The following FAR2 variants were observed in gnomAD, a reference collection of about 807,000 sequenced individuals.
FAR2 encodes fatty acyl-CoA reductase 2.
FAR2 carries 19 observed loss-of-function variants against 56.0 expected under a neutral mutation model. That is an observed-to-expected ratio of 0.34 (90% confidence interval 0.24 to 0.50). The LOEUF (loss-of-function observed/expected upper bound fraction) is 0.50. Ranked by LOEUF, FAR2 falls within the 20% of genes least tolerant of loss-of-function variation. FAR2 has a pLI of 0.98. For synonymous variants in FAR2, 219 were observed against 218.8 expected, an observed-to-expected ratio of 1.00 and a Z score of -0.01; for missense variants, 508 against 642.2, an observed-to-expected ratio of 0.79 and a Z score of 2.26.
intron 1 of FAR2, among the ~76,000 whole-genome samples, chr12:29,197,335 TTACAC>T (rs1193720512): frequency 6.6e-6 from 1 of 152,190 alleles, no homozygotes; most frequent in Non-Finnish European, 1.5e-5. Context: ...ATGTACAGTC[TTACAC>T]TTACAGGAAT....
intron 1 of FAR2, among the ~76,000 whole-genome samples, chr12:29,183,914 A>C (rs1950014127): frequency 2.0e-5 from 3 of 152,160 alleles, no homozygotes; most frequent in Admixed American, 6.5e-5. Flanking sequence ...AATCTATACC[A>C]CCTCATTATT....
rs114694727 is a variant in FAR2 at position 29,259,148 on chromosome 12, A to T, written c.-38-11264A>T. On this transcript the variant is annotated intron_variant, in intron 1 of 11. Coordinates refer to ENST00000536681, the MANE Select transcript of FAR2 (RefSeq NM_001271783.2). ...AAAGAAGGTTCTAGAAAAATGGTTC[A>T]TTGACAGAAGGAATTTTTCCCACTG... Among the ~76,000 whole-genome samples the T allele has an allele frequency of 8.3e-3, 1,259 of 152,340 alleles. 19 individuals are homozygous for T. The highest frequency in any genetic ancestry group is 0.028 in the East Asian group (146 of 5,186).
Position 29,203,714 on chromosome 12 carries a change from T to C in FAR2, c.-39+54307T>C, listed in dbSNP as rs1308144545. On this transcript the variant is annotated intron_variant, in intron 1 of 11. Coordinates refer to ENST00000536681, the MANE Select transcript of FAR2 (RefSeq NM_001271783.2). ...AAGATTCTCAGGTAGATGAAAATTA[T>C]GTCGGCCGGGGGCGGTGGCTCACGC... Among the ~76,000 whole-genome samples the C allele has an allele frequency of 2.0e-5, 3 of 152,200 alleles. No homozygotes were observed. The East Asian group carries it at 5.8e-4, about 29-fold the overall frequency.
intron 2 of FAR2, among the ~76,000 whole-genome samples, chr12:29,272,900 T>G (rs1948642190): frequency 6.6e-6 from 1 of 152,136 alleles, no homozygotes; most frequent in Non-Finnish European, 1.5e-5. Context: ...GTTCCTCTTC[T>G]GCAGGGCTGC....
intron 1 of FAR2, chr12:29,171,653 C>G (rs1010297615): frequency 6.6e-6 from 1 of 151,950 alleles, no homozygotes; most frequent in African/African-American, 2.4e-5. Context: ...TGGCCGCCAA[C>G]CATGTGGGAA....
chr12:29,246,818 A>T (rs540673672), intron 1 of FAR2, among the ~76,000 whole-genome samples: 166 of 152,214 alleles, frequency 1.1e-3, no homozygotes, highest in African/African-American at 3.9e-3. Flanking sequence ...TTTTAAATAG[A>T]ATTGCATATT....
intron 1 of FAR2, among the ~76,000 whole-genome samples, chr12:29,267,024 G>A (rs1948527993): frequency 6.6e-6 from 1 of 152,118 alleles, no homozygotes; most frequent in East Asian, 1.9e-4. Flanking sequence ...TTCTGTTTTT[G>A]TGCCAACCAC....
chr12:29,175,554 G>A (rs1949929882), intron 1 of FAR2, among the ~76,000 whole-genome samples: 1 of 152,230 alleles, frequency 6.6e-6, no homozygotes, highest in Non-Finnish European at 1.5e-5. Flanking sequence ...GGCTGGGGTG[G>A]CCAGCTTTTA....
At chr12:29,153,473 G>A (rs539136420) in intron 1 of FAR2, among the ~76,000 whole-genome samples, 10 of 152,350 alleles carry the variant, frequency 6.6e-5, no homozygotes, top group Admixed American at 4.6e-4. Context: ...AGGTGAGGGC[G>A]CTGCTGAGAG....
intron 1 of FAR2, among the ~76,000 whole-genome samples, chr12:29,258,763 G>T (rs915880467): frequency 6.6e-6 from 1 of 152,172 alleles, no homozygotes; most frequent in Non-Finnish European, 1.5e-5. Context: ...ACCCTATGCT[G>T]GCTCAATCGT....
Position 29,332,613 on chromosome 12 carries a change from A to G in FAR2, c.1271A>G (p.Asp424Gly). 1 of 1,613,684 alleles carries G rather than the reference A, an allele frequency of 6.2e-7. No homozygotes were observed. The highest frequency in any genetic ancestry group is 1.1e-5 in the South Asian group (1 of 91,072). ...SPEDQRVFNFDVRQLNWLEYI... is the reference protein window; with the variant it reads ...SPEDQRVFNFGVRQLNWLEYI... ...CTTGCCTCTCAGGTATTCAACTTTG[A>G]CGTGCGCCAGTTGAACTGGTTGGAA... is the stretch of plus-strand genomic sequence containing the variant. Residue 424 changes from aspartate to glycine, a missense_variant, in exon 11 of 12, where the codon GAC (aspartate) becomes GGC (glycine). By Grantham distance (94) the Asp-to-Gly change is moderately conservative. Transcript: ENST00000536681.
chr12:29,229,350 G>A (rs1947818069), intron 1 of FAR2, among the ~76,000 whole-genome samples: 1 of 152,108 alleles, frequency 6.6e-6, no homozygotes, highest in Non-Finnish European at 1.5e-5. Flanking sequence ...TAGCACTCCT[G>A]CTTTAAATTC....
intron 2 of FAR2, among the ~76,000 whole-genome samples, chr12:29,285,087 T>C (rs1948851786): frequency 6.6e-6 from 1 of 152,154 alleles, no homozygotes; most frequent in Non-Finnish European, 1.5e-5. Flanking sequence ...ATGATCTGCC[T>C]GCCTCTGCCT....
At position 29,270,486 on chromosome 12, in the gene FAR2, A is replaced by C; in HGVS notation, c.37A>C (p.Ile13Leu). The C allele has an allele frequency of 6.2e-7, 1 of 1,608,204 alleles. No homozygotes were observed. The highest frequency in any genetic ancestry group is 1.1e-5 in the South Asian group (1 of 90,470). ...TIAAFYGGKS[I>L]LITGATGFLG... ...TGCAGCTTTCTATGGCGGCAAGTCC[A>C]TTCTCATCACGGGGGCCACAGGCTT... is the stretch of plus-strand genomic sequence containing the variant. Residue 13 changes from isoleucine to leucine, a missense_variant, in exon 2 of 12, where the codon ATT becomes CTT. Physicochemically the swap from Ile to Leu is conservative, Grantham distance 5 (BLOSUM62 2). Transcript: ENST00000536681.
At chr12:29,156,409 A>G (rs1363905316) in intron 1 of FAR2, 16 of 152,176 alleles carry the variant, frequency 1.1e-4, no homozygotes, top group Non-Finnish European at 1.5e-5. Flanking sequence ...TGCTAACGCT[A>G]CATGCCCATG....
At chr12:29,159,415 G>T (rs965733185) in intron 1 of FAR2, among the ~76,000 whole-genome samples, 2 of 151,848 alleles carry the variant, frequency 1.3e-5, no homozygotes, top group African/African-American at 4.8e-5. Flanking sequence ...GCAGGTGCCT[G>T]TAGTCCCAGC....
chr12:29,164,234 C>G (rs950985413), intron 1 of FAR2, among the ~76,000 whole-genome samples: 1 of 152,204 alleles, frequency 6.6e-6, no homozygotes, highest in African/African-American at 2.4e-5. Context: ...ATTTAGGTCT[C>G]TTTCCCATTC....
At chr12:29,153,144 T>A (rs1294767068) in intron 1 of FAR2, among the ~76,000 whole-genome samples, 1 of 152,096 alleles carries the variant, frequency 6.6e-6, no homozygotes, top group African/African-American at 2.4e-5. Context: ...GTGTTCCCTA[T>A]TTTTTTGGAA....
At chr12:29,196,856 C>T (rs1173687824) in intron 1 of FAR2, among the ~76,000 whole-genome samples, 1 of 152,176 alleles carries the variant, frequency 6.6e-6, no homozygotes, top group Non-Finnish European at 1.5e-5. Flanking sequence ...TTAAACTATG[C>T]ATGTAACAGG....
Sources: allele counts gnomAD v4.1 joint callset (sites outside exome capture counted in the v4.1 genomes callset), GRCh38; gene constraint gnomAD v4.1.1; transcripts MANE v1.5; gene names NCBI Gene and HGNC (gene_info 2026-07-23, HGNC 2026-07-21).